The following TNC variants were observed in gnomAD, a reference collection of about 807,000 sequenced individuals.
The protein encoded by TNC is tenascin.
In TNC, 109 loss-of-function variants were observed where a neutral mutation model predicts 202.4. The observed-to-expected ratio is 0.54, with a 90% CI of 0.46 to 0.63. TNC has a LOEUF of 0.63. TNC is among the 30% of genes least tolerant of loss of function. The pLI is 0.00. For synonymous variants in TNC, 1,007 were observed against 1,089.7 expected, an observed-to-expected ratio of 0.92 and a Z score of 1.50; for missense variants, 2,756 against 2,833.3, an observed-to-expected ratio of 0.97 and a Z score of 0.62.
chr9:115,069,250 A>C (rs1050766925), intron 10 of TNC, among the ~76,000 whole-genome samples: 1 of 152,170 alleles, frequency 6.6e-6, no homozygotes, highest in Admixed American at 6.5e-5. Context: ...GTCACTGTCA[A>C]GGCTTATGTT....
intron 6 of TNC, among the ~76,000 whole-genome samples, chr9:115,081,254 A>G (rs1834281305): frequency 6.6e-6 from 1 of 152,222 alleles, no homozygotes; most frequent in Non-Finnish European, 1.5e-5. Flanking sequence ...AACTAGTGAC[A>G]TGATGCTAAT....
At position 115,048,446 on chromosome 9, in the gene TNC, AG is replaced by A. The variant is rs1564436531; in HGVS notation, c.4665del (p.Phe1556LeufsTer5). ...FTVSWMASENAFDSFLVTVVD... is the reference protein window; with the variant it reads ...FTVSWMASENXFDSFLVTVVD... ...ACCACCGTTACTAGAAAGCTGTCAA[AG>A]GCATTCTCCGATGCCATCCAGGAAA... On this transcript the variant is annotated frameshift_variant, in exon 16 of 28. Transcript: ENST00000350763. LOFTEE classifies it high-confidence loss of function. 6.2e-7 allele frequency: 1 copy of A among 1,614,068 alleles called. No homozygotes were observed.
chr9:115,052,764 G>T (rs576103481), intron 15 of TNC: 2 of 702,580 alleles, frequency 2.8e-6, no homozygotes, highest in Non-Finnish European at 5.2e-6. Flanking sequence ...GCAGTGAGGG[G>T]TCTGGTGGGA....
chr9:115,082,913 G>C, intron 4 of TNC, 106 bp from the exon 5 acceptor site: 1 of 743,724 alleles, frequency 1.3e-6, no homozygotes, highest in Non-Finnish European at 2.3e-6. Context: ...ACAGTCAGGG[G>C]CTGACAACCA....
At chr9:115,116,626 C>T (rs1024339540) in intron 1 of TNC, among the ~76,000 whole-genome samples, 1 of 152,224 alleles carries the variant, frequency 6.6e-6, no homozygotes, top group African/African-American at 2.4e-5. Context: ...GTCCTGCCCT[C>T]CCTCCGGACA....
chr9:115,053,257 T>G (rs1050601971), intron 15 of TNC, among the ~76,000 whole-genome samples: 1 of 152,230 alleles, frequency 6.6e-6, no homozygotes, highest in Non-Finnish European at 1.5e-5. Flanking sequence ...TGTGTTCTTT[T>G]AAAGCATAAA....
intron 15 of TNC, among the ~76,000 whole-genome samples, chr9:115,054,680 C>T (rs891979360): frequency 1.2e-4 from 19 of 152,170 alleles, no homozygotes; most frequent in Non-Finnish European, 2.5e-4. Context: ...GGTCAATGTT[C>T]CATGCAAAAT....
At chr9:115,062,838 G>A (rs1832651244) in intron 13 of TNC, 79 bp downstream of exon 13, 2 of 1,498,898 alleles carry the variant, frequency 1.3e-6, no homozygotes, top group Admixed American at 1.9e-5. Flanking sequence ...GTAGGATTCT[G>A]CCACACGGGT....
rs76848962 is a variant in TNC, at chr9:115,109,897, A to T, written c.-137+8085T>A. On this transcript the variant is annotated intron_variant, in intron 1 of 27. Coordinates refer to ENST00000350763, the MANE Select transcript of TNC (RefSeq NM_002160.4). ...AAACTGCTAAGGAAGAGGATGTCCA[A>T]ATCTGGGACACAGCAAGGACTCCTA... Among the ~76,000 whole-genome samples, 30 of 152,346 alleles carry T rather than the reference A, an allele frequency of 2.0e-4. 1 individual carries two copies. The East Asian group carries it at 5.8e-3, about 29-fold the overall frequency.
intron 1 of TNC, among the ~76,000 whole-genome samples, chr9:115,101,530 C>A (rs892951821): frequency 6.6e-6 from 1 of 152,164 alleles, no homozygotes; most frequent in Admixed American, 6.5e-5. Flanking sequence ...ATTTTAACTC[C>A]ATGTACAGTT....
intron 16 of TNC, among the ~76,000 whole-genome samples, chr9:115,047,744 T>A (rs1214343378): frequency 6.6e-6 from 1 of 152,190 alleles, no homozygotes; most frequent in African/African-American, 2.4e-5. Flanking sequence ...TTGAGAAAAT[T>A]ATGGATTTAG....
intron 17 of TNC, among the ~76,000 whole-genome samples, chr9:115,043,093 C>T (rs2132020689): frequency 6.6e-6 from 1 of 152,304 alleles, no homozygotes; most frequent in East Asian, 1.9e-4. Context: ...AACCCAGTTT[C>T]CTTTGGCTTT....
rs1305199771 is a variant in TNC at position 115,030,399 on chromosome 9, A to T, written c.5927T>A (p.Leu1976His). 6.2e-7 allele frequency: 1 copy of T among 1,611,850 alleles called. No individual in the cohort carries two copies. Among genetic ancestry groups the T allele is most frequent in the Admixed American group, 1.7e-5 (1 of 59,976 alleles). ...MIQTIFTTIGLLYPFPKDCSQ... is the reference protein window; with the variant it reads ...MIQTIFTTIGHLYPFPKDCSQ... ...GCAGTCCTTGGGGAAGGGGTACAGG[A>T]GTCCAACTGTGGAATAAGGAGAAAT... The change falls in exon 24 of 28, where the codon CTC becomes CAC. Residue 1976 changes from leucine to histidine, a missense_variant. Physicochemically the swap from Leu to His is moderately conservative, Grantham distance 99. Coordinates refer to ENST00000350763, the MANE Select transcript of TNC (RefSeq NM_002160.4).
chr9:115,033,842 A>G (rs1320541652), intron 22 of TNC, among the ~76,000 whole-genome samples: 11 of 152,224 alleles, frequency 7.2e-5, no homozygotes, highest in Admixed American at 4.6e-4. Flanking sequence ...TGAGTGGTAG[A>G]GAGACCATGG....
intron 15 of TNC, among the ~76,000 whole-genome samples, chr9:115,052,364 G>A (rs1831756275): frequency 6.6e-6 from 1 of 151,782 alleles, no homozygotes; most frequent in Non-Finnish European, 1.5e-5. Context: ...TAGACAGAAG[G>A]AATAAGTTTT....
chr9:115,028,068 A>G (rs1829650636), intron 25 of TNC, among the ~76,000 whole-genome samples: 1 of 152,206 alleles, frequency 6.6e-6, no homozygotes, highest in African/African-American at 2.4e-5. Context: ...TCTCTGGAAT[A>G]CATGCATATC....
chr9:115,049,493 C>T (rs888620564), intron 15 of TNC, among the ~76,000 whole-genome samples: 3 of 152,056 alleles, frequency 2.0e-5, no homozygotes, highest in African/African-American at 7.2e-5. Context: ...CTGCTAGGTG[C>T]CTAAGCTGAG....
At chr9:115,091,481 C>T (rs980105174) in intron 1 of TNC, among the ~76,000 whole-genome samples, 8 of 152,102 alleles carry the variant, frequency 5.3e-5, no homozygotes, top group Admixed American at 1.3e-4. Flanking sequence ...TTTTTCTTTG[C>T]CTTATTTCAC....
chr9:115,054,249 G>A (rs562141327), intron 15 of TNC, among the ~76,000 whole-genome samples: 3 of 152,266 alleles, frequency 2.0e-5, no homozygotes, highest in East Asian at 3.9e-4. Flanking sequence ...CAATTATACA[G>A]CATAATTCGA....
Sources: allele counts gnomAD v4.1 joint callset (sites outside exome capture counted in the v4.1 genomes callset), GRCh38; gene constraint gnomAD v4.1.1; transcripts MANE v1.5; gene names NCBI Gene and HGNC (gene_info 2026-07-23, HGNC 2026-07-21).